The following TTC28 variants were observed in gnomAD, a reference collection of about 807,000 sequenced individuals.
TTC28 encodes tetratricopeptide repeat protein 28.
A neutral mutation model predicts 198.0 loss-of-function variants in TTC28; 61 were observed. The observed-to-expected ratio is 0.31, with a 90% confidence interval of 0.25 to 0.38. The LOEUF is 0.38. Among genes scored for constraint, TTC28 ranks in the 10% least tolerant of loss-of-function variants. TTC28 has a pLI of 1.00. For synonymous variants in TTC28, 1,171 were observed against 1,297.8 expected, an observed-to-expected ratio of 0.90 and a Z score of 2.10; for missense variants, 2,678 against 3,164.0, an observed-to-expected ratio of 0.85 and a Z score of 3.69.
intron 12 of TTC28, among the ~76,000 whole-genome samples, chr22:28,051,504 T>A (rs1940085703): frequency 6.6e-6 from 1 of 152,178 alleles, no homozygotes; most frequent in African/African-American, 2.4e-5. Context: ...GAATATTTCC[T>A]TCTCTCTCTA....
At chr22:28,487,409 C>A (rs1214136384) in intron 2 of TTC28, among the ~76,000 whole-genome samples, 1 of 151,518 alleles carries the variant, frequency 6.6e-6, no homozygotes, top group African/African-American at 2.4e-5. Context: ...ACTTCTTTCT[C>A]TGTATAAATG....
chr22:28,245,443 A>T (rs1930011378), intron 5 of TTC28, among the ~76,000 whole-genome samples: 1 of 152,112 alleles, frequency 6.6e-6, no homozygotes, highest in African/African-American at 2.4e-5. Flanking sequence ...CATATTAATG[A>T]TTTTCCCAGT....
chr22:28,579,424 CTATA>C (rs1264330550), intron 2 of TTC28, among the ~76,000 whole-genome samples: 1 of 148,054 alleles, frequency 6.8e-6, no homozygotes, highest in African/African-American at 2.5e-5. Flanking sequence ...ATATGTATAG[CTATA>C]TATAGTGTAT....
chr22:28,283,415 G>A (rs1251578290), intron 5 of TTC28, among the ~76,000 whole-genome samples: 1 of 151,956 alleles, frequency 6.6e-6, no homozygotes, highest in Non-Finnish European at 1.5e-5. Flanking sequence ...ACATAGTGTA[G>A]AAAATGTCTG....
At chr22:28,675,810 C>T (rs1288976647) in intron 1 of TTC28, among the ~76,000 whole-genome samples, 1 of 151,282 alleles carries the variant, frequency 6.6e-6, no homozygotes, top group Non-Finnish European at 1.5e-5. Context: ...TTTATAGCTG[C>T]AGTGGCTCAC....
At chr22:28,333,437 T>C (rs999342903) in intron 2 of TTC28, among the ~76,000 whole-genome samples, 1 of 152,064 alleles carries the variant, frequency 6.6e-6, no homozygotes, top group Admixed American at 6.6e-5. Context: ...CAAAACCTGA[T>C]CCATTCAGCT....
At chr22:28,182,382 T>C (rs1923780782) in intron 5 of TTC28, among the ~76,000 whole-genome samples, 1 of 152,114 alleles carries the variant, frequency 6.6e-6, no homozygotes, top group Non-Finnish European at 1.5e-5. Context: ...AAAGACAGTA[T>C]TTACACCAAA....
intron 2 of TTC28, among the ~76,000 whole-genome samples, chr22:28,334,701 T>C (rs1341180001): frequency 6.6e-6 from 1 of 152,208 alleles, no homozygotes; most frequent in Non-Finnish European, 1.5e-5. Flanking sequence ...ATGGGGTTAT[T>C]TTTTTCTTGT....
chr22:28,461,644 G>A (rs924392276), intron 2 of TTC28, among the ~76,000 whole-genome samples: 6 of 152,020 alleles, frequency 3.9e-5, no homozygotes, highest in African/African-American at 7.2e-5. Context: ...GGCCAGGCTC[G>A]TCTCGAACTC....
At chr22:28,163,774 C>A (rs1438302089) in intron 5 of TTC28, among the ~76,000 whole-genome samples, 175 bp from the exon 6 acceptor site, 2 of 152,194 alleles carry the variant, frequency 1.3e-5, no homozygotes, top group East Asian at 1.9e-4. Context: ...AACTGAGGTA[C>A]CGGGTTCATC....
intron 13 of TTC28, among the ~76,000 whole-genome samples, chr22:28,021,426 G>A (rs1225016894): frequency 6.6e-6 from 1 of 152,206 alleles, no homozygotes; most frequent in Non-Finnish European, 1.5e-5. Context: ...AGGAACGCAT[G>A]AAGGGGCGAC....
intron 2 of TTC28, among the ~76,000 whole-genome samples, chr22:28,477,749 G>A (rs1340362513): frequency 6.6e-6 from 1 of 152,160 alleles, no homozygotes; most frequent in Non-Finnish European, 1.5e-5. Context: ...CAAAGGTAAG[G>A]CAAGCAGAGG....
rs952219254 is a variant in TTC28 at position 28,105,427 on chromosome 22, G to A, written c.3159C>T (p.Phe1053=). 7.7e-6 allele frequency: 12 copies of A among 1,551,578 alleles called. No individual in the cohort carries two copies. In the African/African-American group the frequency reaches 9.6e-5, roughly 12 times the overall value. ...LGLTYESLGT[F]ERAVVYQEQH... ...GTTCTTGATAGACCACAGCCCTCTCGAAGGTGCCCAGGGATTCATAAGTCA... is the reference window on the plus strand; with the variant it reads ...GTTCTTGATAGACCACAGCCCTCTCAAAGGTGCCCAGGGATTCATAAGTCA... The change falls in exon 8 of 23, where the codon TTC becomes TTT. Residue 1053 remains phenylalanine, a synonymous_variant. Coordinates refer to ENST00000397906, the MANE Select transcript of TTC28 (RefSeq NM_001145418.2).
Position 28,589,366 on chromosome 22 carries a change from T to C in TTC28, c.381+40186A>G, listed in dbSNP as rs1239830537. ...ACTACAACTAAGCTGTTTATCTGAC[T>C]GTTCAAGAAATCAGGAGAGAAAGAA... On this transcript the variant is annotated intron_variant, in intron 2 of 22. Transcript: ENST00000397906. Among the ~76,000 whole-genome samples the C allele has an allele frequency of 5.3e-5, 8 of 152,222 alleles. No homozygotes were observed. In the East Asian group the frequency reaches 1.5e-3, roughly 29 times the overall value.
At chr22:28,596,944 TG>T (rs1371754211) in intron 2 of TTC28, among the ~76,000 whole-genome samples, 2 of 152,148 alleles carry the variant, frequency 1.3e-5, no homozygotes, top group Non-Finnish European at 2.9e-5. Context: ...CCATATTAAC[TG>T]AACAAAATAC....
At chr22:28,462,405 A>G (rs1475249204) in intron 2 of TTC28, among the ~76,000 whole-genome samples, 1 of 152,244 alleles carries the variant, frequency 6.6e-6, no homozygotes. Context: ...AAAAGAAAGA[A>G]GTTGTGGAAC....
At chr22:28,158,567 A>C (rs1242821857) in intron 6 of TTC28, among the ~76,000 whole-genome samples, 15 of 152,172 alleles carry the variant, frequency 9.9e-5, no homozygotes, top group Non-Finnish European at 1.5e-5. Context: ...AAACAGACAC[A>C]CAGACCAATG....
At chr22:28,542,431 T>A (rs1259532719) in intron 2 of TTC28, among the ~76,000 whole-genome samples, 2 of 152,138 alleles carry the variant, frequency 1.3e-5, no homozygotes, top group Non-Finnish European at 2.9e-5. Context: ...GATAAACCTG[T>A]AAATCCATAT....
chr22:28,197,587 A>T (rs1453374943), intron 5 of TTC28, among the ~76,000 whole-genome samples: 1 of 152,150 alleles, frequency 6.6e-6, no homozygotes, highest in Non-Finnish European at 1.5e-5. Flanking sequence ...AAAGAATAAA[A>T]TAAAATGATA....
Sources: allele counts gnomAD v4.1 joint callset (sites outside exome capture counted in the v4.1 genomes callset), GRCh38; gene constraint gnomAD v4.1.1; transcripts MANE v1.5; gene names NCBI Gene and HGNC (gene_info 2026-07-23, HGNC 2026-07-21).